Variants in EDC3 observed in about 807,000 individuals in gnomAD.
EDC3 encodes the protein enhancer of mRNA-decapping protein 3.
A neutral mutation model predicts 41.8 loss-of-function variants in EDC3; 20 were observed. That is an observed-to-expected ratio of 0.48 (90% confidence interval 0.34 to 0.70). EDC3 has a LOEUF of 0.70. Ranked by LOEUF, EDC3 falls within the 30% of genes least tolerant of loss-of-function variation. The pLI is 0.01. For missense variants in EDC3, 444 were observed against 636.8 expected, an observed-to-expected ratio of 0.70 and a Z score of 3.26; for synonymous variants, 206 against 243.2, an observed-to-expected ratio of 0.85 and a Z score of 1.42.
At chr15:74,691,983 A>AT (rs1567186061) in intron 1 of EDC3, among the ~76,000 whole-genome samples, 1 of 151,568 alleles carries the variant, frequency 6.6e-6, no homozygotes, top group Non-Finnish European at 1.5e-5. Context: ...CGCCCGGCTA[A>AT]TTTTTTTTGT....
At chr15:74,675,818 T>C (rs1596326561) in intron 1 of EDC3, among the ~76,000 whole-genome samples, 1 of 149,262 alleles carries the variant, frequency 6.7e-6, no homozygotes, top group African/African-American at 2.5e-5. Context: ...GAGGCGGAGG[T>C]TGCAGTGAGC....
Position 74,635,500 on chromosome 15 carries a change from G to GAA in EDC3, c.1099_1100dup (p.Leu368SerfsTer76). On this transcript the variant is annotated frameshift_variant, in exon 6 of 7. Transcript: ENST00000315127. LOFTEE classifies it high-confidence loss of function. ...CCAACATCTTGACAAAATTGGGCAGGAAAAGGATGACCTGGACATCATGGT... is the reference window on the plus strand; with the variant it reads ...CCAACATCTTGACAAAATTGGGCAGGAAAAAAGGATGACCTGGACATCATGGT... 1.2e-6 allele frequency: 2 copies of GAA among 1,614,244 alleles called. No homozygotes were observed. The highest frequency in any genetic ancestry group is 1.7e-6 in the Non-Finnish European group (2 of 1,180,036).
chr15:74,640,414 G>C, intron 5 of EDC3, 52 bp downstream of exon 5: 1 of 1,596,826 alleles, frequency 6.3e-7, no homozygotes, highest in Non-Finnish European at 8.5e-7. Context: ...GTGGTGGCCA[G>C]GCAGAGCATC....
chr15:74,658,593 T>C (rs1385853011), intron 3 of EDC3, among the ~76,000 whole-genome samples: 2 of 126,172 alleles, frequency 1.6e-5, no homozygotes, highest in Non-Finnish European at 3.1e-5. Flanking sequence ...GAAAAAGTGG[T>C]GATGGCAGTG....
chr15:74,635,023 C>A, intron 6 of EDC3: 2 of 464,500 alleles, frequency 4.3e-6, no homozygotes, highest in South Asian at 3.1e-5. Flanking sequence ...CCTCCTTTCC[C>A]TGCTTTGTTT....
At chr15:74,680,516 G>A (rs1346744354) in intron 1 of EDC3, among the ~76,000 whole-genome samples, 1 of 152,028 alleles carries the variant, frequency 6.6e-6, no homozygotes, top group African/African-American at 2.4e-5. Context: ...CTGGTAAAGG[G>A]ATCTAAAAAG....
chr15:74,661,879 CAG>C (rs1325072180), intron 3 of EDC3, among the ~76,000 whole-genome samples: 5 of 151,894 alleles, frequency 3.3e-5, no homozygotes, highest in African/African-American at 9.7e-5. Context: ...TGTTTGTTAA[CAG>C]ATGTTCATAC....
In EDC3 at chr15:74,635,483, T is replaced by C; in HGVS notation, c.1118A>G (p.Lys373Arg). ...CTCATTGGTGATAGATTCCAACATCTTGACAAAATTGGGCAGGAAAAGGAT... is the reference window on the plus strand; with the variant it reads ...CTCATTGGTGATAGATTCCAACATCCTGACAAAATTGGGCAGGAAAAGGAT... ...QVILFLPNFV[K>R]MLESITNELS... The change falls in exon 6 of 7, where the codon AAG (lysine) becomes AGG (arginine). Residue 373 changes from lysine (K) to arginine (R), a missense_variant. By Grantham distance (26) the Lys-to-Arg change is conservative. Around this residue, in one of 3 missense-constraint regions of EDC3, gnomAD observed 242 missense variants for 363.8 expected, o/e 0.67. Transcript: ENST00000315127. 2 of 1,614,232 alleles carry C rather than the reference T, an allele frequency of 1.2e-6. No homozygotes were observed. Among genetic ancestry groups the C allele is most frequent in the South Asian group, 1.1e-5 (1 of 91,088 alleles).
chr15:74,644,171 G>A (rs145239852), intron 4 of EDC3: 7 of 152,294 alleles, frequency 4.6e-5, no homozygotes, highest in African/African-American at 1.7e-4. Flanking sequence ...GACCTGCTGT[G>A]ATCTGGCCTG....
chr15:74,636,480 T>G (rs992506608), intron 5 of EDC3: 6 of 152,224 alleles, frequency 3.9e-5, no homozygotes, highest in African/African-American at 1.4e-4. Context: ...CTGAGACTCC[T>G]CTAGACTCAG....
In EDC3 at chr15:74,640,532, C is replaced by T. The variant is rs1304872108; in HGVS notation, c.908G>A (p.Arg303Gln). The T allele has an allele frequency of 1.9e-6, 3 of 1,614,202 alleles. No individual in the cohort carries two copies. Among genetic ancestry groups the T allele is most frequent in the Non-Finnish European group, 2.5e-6 (3 of 1,180,028 alleles). The change falls in exon 5 of 7, where the codon CGG becomes CAG. Residue 303 changes from arginine to glutamine, a missense_variant. By Grantham distance (43) the Arg-to-Gln change is conservative (BLOSUM62 1). Coordinates refer to ENST00000315127, the MANE Select transcript of EDC3 (RefSeq NM_025083.5). Reference sequence around the variant, plus strand: ...ACACACACCTGTCATCTCCAGTCTCCGCTCAAGGGTCAGCCCATGCTTCTC... The same window carrying T: ...ACACACACCTGTCATCTCCAGTCTCTGCTCAAGGGTCAGCCCATGCTTCTC... ...VAEKHGLTLE[R>Q]RLEMTGVCAS...
At chr15:74,633,260 C>T (rs572868609) in intron 6 of EDC3, among the ~76,000 whole-genome samples, 22 of 152,360 alleles carry the variant, frequency 1.4e-4, no homozygotes, top group Non-Finnish European at 2.2e-4. Flanking sequence ...CCTCTGCCTT[C>T]TCAGGCATGC....
intron 4 of EDC3, among the ~76,000 whole-genome samples, chr15:74,647,644 C>G (rs2062432775): frequency 6.6e-6 from 1 of 152,136 alleles, no homozygotes; most frequent in African/African-American, 2.4e-5. Flanking sequence ...ACCATCCACC[C>G]GATTATCCAG....
chr15:74,666,952 G>C (rs977977391), intron 3 of EDC3, among the ~76,000 whole-genome samples: 1 of 152,116 alleles, frequency 6.6e-6, no homozygotes, highest in East Asian at 1.9e-4. Context: ...AAGGAAATGG[G>C]AGACCTAAAT....
intron 1 of EDC3, among the ~76,000 whole-genome samples, chr15:74,678,026 T>C (rs1447403836): frequency 2.8e-5 from 4 of 141,282 alleles, no homozygotes; most frequent in African/African-American, 1.1e-4. Flanking sequence ...TGATTCCAGC[T>C]ACAAGGTTTT....
chr15:74,640,273 A>T, intron 5 of EDC3, 193 bp downstream of exon 5: 1 of 605,828 alleles, frequency 1.7e-6, no homozygotes, highest in Admixed American at 3.1e-5. Context: ...TAATGAGGAC[A>T]TCTAGGAGAT....
intron 3 of EDC3, among the ~76,000 whole-genome samples, chr15:74,662,429 ATATATAT>A (rs1297445738): frequency 1.4e-5 from 2 of 147,448 alleles, no homozygotes; most frequent in Non-Finnish European, 3.0e-5. Flanking sequence ...ATATATATAT[ATATATAT>A]TTTTTTTTTA....
intron 3 of EDC3, among the ~76,000 whole-genome samples, chr15:74,666,098 G>A (rs1370176971): frequency 1.3e-5 from 2 of 151,908 alleles, no homozygotes; most frequent in Non-Finnish European, 2.9e-5. Context: ...ACACCCGGCC[G>A]ACAGATTATA....
At chr15:74,640,777 T>A in intron 4 of EDC3, 158 bp from the exon 5 acceptor site, 1 of 805,268 alleles carries the variant, frequency 1.2e-6, no homozygotes, top group Non-Finnish European at 1.9e-6. Context: ...GCTCTGCAGC[T>A]CTGCAGAGCT....
Sources: gnomAD v4.1 joint callset for allele counts (sites outside exome capture counted in the v4.1 genomes callset) on GRCh38, gnomAD v4.1.1 for gene constraint, gnomAD v4.1.1 regional missense constraint, MANE v1.5 for transcripts, NCBI Gene and HGNC (gene_info 2026-07-23, HGNC 2026-07-21) for gene names.